The following TPR variants were observed in gnomAD, a reference collection of about 807,000 sequenced individuals.
TPR encodes nucleoprotein TPR.
TPR carries 51 observed loss-of-function variants against 316.1 expected under a neutral mutation model. The ratio of observed to expected loss-of-function variants is 0.16; its 90% confidence interval spans 0.13 to 0.20. The LOEUF (loss-of-function observed/expected upper bound fraction) is 0.20. Among genes scored for constraint, TPR ranks in the 10% least tolerant of loss-of-function variants. The probability of loss-of-function intolerance (pLI) is 1.00; values close to 1 mark genes in which losing one functional copy is unlikely to be tolerated. For synonymous variants in TPR, 981 were observed against 914.7 expected, an observed-to-expected ratio of 1.07 and a Z score of -1.31; for missense variants, 2,272 against 2,754.8, an observed-to-expected ratio of 0.82 and a Z score of 3.92.
Position 186,312,434 on chromosome 1 carries a change from T to C in TPR, c.*1537A>G. On this transcript the variant is annotated 3_prime_UTR_variant, in exon 51 of 51. Coordinates refer to ENST00000367478, the MANE Select transcript of TPR (RefSeq NM_003292.3). ...TAAGTAGATGTAATACAGTTTCTTATACAGTAAGGCTTATGAAATATGGAT... is the reference window on the plus strand; with the variant it reads ...TAAGTAGATGTAATACAGTTTCTTACACAGTAAGGCTTATGAAATATGGAT... The C allele has an allele frequency of 7.0e-7, 1 of 1,436,332 alleles. No homozygotes were observed. Among genetic ancestry groups the C allele is most frequent in the Non-Finnish European group, 9.5e-7 (1 of 1,048,242 alleles). 89.0% of individuals were successfully genotyped at this position (1,436,332 alleles called of 1,614,324 possible). A position where few individuals can be genotyped will look rare whatever the true frequency, so the allele number is the denominator to read the frequency against.
rs745946600 is a variant in TPR at position 186,323,781 on chromosome 1, G to T, written c.6202C>A (p.Pro2068Thr). The stretch of plus-strand genomic sequence containing the variant: ...CGTCTCGGTGACTGAGGTGCTCGAG[G>T]GGCCTGTCTTTCAGATGCTGATGAT... Reference protein sequence around the residue: ...QPSSASERQAPRAPQSPRRPP... With the variant: ...QPSSASERQATRAPQSPRRPP... The change falls in exon 43 of 51, where the codon CCT (proline) becomes ACT (threonine). Residue 2068 changes from proline (P) to threonine (T), a missense_variant. Coordinates refer to ENST00000367478, the MANE Select transcript of TPR (RefSeq NM_003292.3). The T allele has an allele frequency of 1.5e-5, 23 of 1,543,232 alleles. No homozygotes were observed. The highest frequency in any genetic ancestry group is 1.8e-5 in the Non-Finnish European group (21 of 1,154,924).
chr1:186,366,405 C>T (rs1035420132), intron 4 of TPR, among the ~76,000 whole-genome samples: 1 of 152,148 alleles, frequency 6.6e-6, no homozygotes, highest in Non-Finnish European at 1.5e-5. Flanking sequence ...GTATATAATA[C>T]AGATCACAGA....
At position 186,322,577 on chromosome 1, in the gene TPR, T is replaced by C. The variant is rs1657803105; in HGVS notation, c.6307A>G (p.Met2103Val). The change falls in exon 44 of 51, where the codon ATG (methionine) becomes GTG (valine). Residue 2103 changes from methionine to valine, a missense_variant. By Grantham distance (21) the Met-to-Val change is conservative. Transcript: ENST00000367478. ...ELGPPVQRIQMTRRQSVGRGL... is the reference protein window; with the variant it reads ...ELGPPVQRIQVTRRQSVGRGL... ...CGTCCTACAGACTGCCTTCGGGTCA[T>C]CTGAATTCTCTGCGTGTCAAGATAA... 2 of 1,614,074 alleles carry C rather than the reference T, an allele frequency of 1.2e-6. No homozygotes were observed. Among genetic ancestry groups the C allele is most frequent in the African/African-American group, 2.7e-5 (2 of 75,064 alleles).
chr1:186,347,422 A>T lies in TPR; in HGVS notation c.2813T>A (p.Val938Glu), dbSNP rs1658715404. The T allele has an allele frequency of 6.2e-7, 1 of 1,614,018 alleles. No individual in the cohort carries two copies. The highest frequency in any genetic ancestry group is 8.5e-7 in the Non-Finnish European group (1 of 1,179,972). ...CTCTTCTGTCTGTCTTAGCTGACTC[A>T]CAAGATCATCCACATCTTCTTTGTT... ...PSNKEDVDDL[V>E]SQLRQTEEQV... Residue 938 changes from valine to glutamate, a missense_variant, in exon 22 of 51, where the codon GTG becomes GAG. Val to Glu is a moderately radical substitution (Grantham distance 121). This residue lies in a region of TPR where 757 missense variants were observed against 859.8 expected (regional missense o/e 0.88). Transcript: ENST00000367478.
At chr1:186,315,149 C>A (rs78468398) in intron 49 of TPR, among the ~76,000 whole-genome samples, 27,836 of 149,630 alleles carry the variant, frequency 0.19, 2,928 homozygotes, top group African/African-American at 0.28. Context: ...CCAGGGAGAC[C>A]GGTGAGATCC....
chr1:186,319,430 T>C (rs1010756049), intron 46 of TPR, among the ~76,000 whole-genome samples: 1 of 151,340 alleles, frequency 6.6e-6, no homozygotes, highest in Non-Finnish European at 1.5e-5. Flanking sequence ...AATTACAAAG[T>C]AATTAACAAA....
intron 4 of TPR, among the ~76,000 whole-genome samples, chr1:186,365,221 G>C (rs373087695): frequency 1.3e-5 from 2 of 151,058 alleles, no homozygotes; most frequent in African/African-American, 4.9e-5. Context: ...TCAGCCTCCT[G>C]AGTAGCTGGG....
Position 186,312,813 on chromosome 1 carries a change from C to G in TPR, c.*1158G>C. On this transcript the variant is annotated 3_prime_UTR_variant, in exon 51 of 51. Coordinates refer to ENST00000367478, the MANE Select transcript of TPR (RefSeq NM_003292.3). ...TAAAGTGAGTATACTGTGGAGAGGA[C>G]TTCCAAATGTGGTTACCTCAGCTAT... 1 of 1,612,032 alleles carries G rather than the reference C, an allele frequency of 6.2e-7. No individual in the cohort carries two copies. Among genetic ancestry groups the G allele is most frequent in the Non-Finnish European group, 8.5e-7 (1 of 1,178,118 alleles).
At chr1:186,320,215 T>A in intron 46 of TPR, 97 bp downstream of exon 46, 1 of 1,020,998 alleles carries the variant, frequency 9.8e-7, no homozygotes, top group East Asian at 2.9e-5. Flanking sequence ...ATTTTAAAAA[T>A]ATTCATATTT....
chr1:186,325,782 C>A lies in TPR; in HGVS notation c.6094G>T (p.Ala2032Ser). 6.2e-7 allele frequency: 1 copy of A among 1,613,004 alleles called. No homozygotes were observed. The highest frequency in any genetic ancestry group is 8.5e-7 in the Non-Finnish European group (1 of 1,179,366). Residue 2032 changes from alanine to serine, a missense_variant, in exon 42 of 51, where the codon GCT (alanine) becomes TCT (serine). Around this residue, in one of 10 missense-constraint regions of TPR, gnomAD observed 435 missense variants for 461.1 expected, o/e 0.94. Transcript: ENST00000367478. Reference protein sequence around the residue: ...MGGGEGNHRAADSQNSGEGNT... With the variant: ...MGGGEGNHRASDSQNSGEGNT... ...ATCTCACCACTGTTTTGAGAATCAG[C>A]AGCTCTGTGATTACCTTCACCTCCA...
At position 186,335,146 on chromosome 1, in the gene TPR, C is replaced by G. The variant is rs781088340; in HGVS notation, c.4912-17G>C. ...TTCAGGGACCTATAAAGAGAAAGCT[C>G]TTGATTGTTGTTCCTAGCCCACAAG... On this transcript the variant is annotated splice_polypyrimidine_tract_variant and intron_variant, in intron 34 of 50. Coordinates refer to ENST00000367478, the MANE Select transcript of TPR (RefSeq NM_003292.3). 14 of 1,602,774 alleles carry G rather than the reference C, an allele frequency of 8.7e-6. No homozygotes were observed. The African/African-American group carries it at 1.9e-4, about 22-fold the overall frequency.
In TPR at chr1:186,317,558, T is replaced by C. The variant is rs1427689826; in HGVS notation, c.6864A>G (p.Glu2288=). 8.7e-6 allele frequency: 14 copies of C among 1,613,996 alleles called. No homozygotes were observed. The African/African-American group carries it at 1.3e-4, about 15-fold the overall frequency. The change falls in exon 49 of 51, where the codon GAA becomes GAG. Residue 2288 remains glutamate, a synonymous_variant. Coordinates refer to ENST00000367478, the MANE Select transcript of TPR (RefSeq NM_003292.3). The stretch of plus-strand genomic sequence containing the variant: ...CATCAGATGCTTGAACCGGCTCTTC[T>C]TCCTGCTGGCTATCAATTTCTAGGC... The part of the protein sequence containing the change: ...EAGLEIDSQQ[E]EEPVQASDES...
In TPR at chr1:186,367,892, A is replaced by C; in HGVS notation, c.421T>G (p.Leu141Val). 6.2e-7 allele frequency: 1 copy of C among 1,604,850 alleles called. No homozygotes were observed. Among genetic ancestry groups the C allele is most frequent in the Non-Finnish European group, 8.5e-7 (1 of 1,173,806 alleles). Residue 141 changes from leucine (L) to valine (V), a missense_variant, in exon 4 of 51, where the codon TTA becomes GTA. Physicochemically the swap from Leu to Val is conservative, Grantham distance 32. Around this residue, in one of 10 missense-constraint regions of TPR, gnomAD observed 549 missense variants for 598.6 expected, o/e 0.92. Transcript: ENST00000367478. Reference protein sequence around the residue: ...NERLSQELEYLTEDVKRLNEK... With the variant: ...NERLSQELEYVTEDVKRLNEK... ...TACAAGCACTTCTTCATACCTGTTA[A>C]GTATTCAAGTTCTTGAGATAGTCTC...
intron 19 of TPR, 103 bp from the exon 20 acceptor site, chr1:186,351,573 C>A: frequency 2.4e-6 from 3 of 1,239,124 alleles, no homozygotes; most frequent in Non-Finnish European, 3.2e-6. Context: ...CCCATTTCTA[C>A]ATGAAGCAGC....
chr1:186,337,005 A>T lies in TPR; in HGVS notation c.4506+8T>A. ...AGAATTAGGAACAGACTGTTCTCAC[A>T]CTCATACCTTCTGCAGATTCTCTAC... On this transcript the variant is annotated splice_region_variant and intron_variant, in intron 32 of 50. Transcript: ENST00000367478. 1 of 1,613,606 alleles carries T rather than the reference A, an allele frequency of 6.2e-7. No individual in the cohort carries two copies. The highest frequency in any genetic ancestry group is 1.1e-5 in the South Asian group (1 of 91,058).
intron 12 of TPR, 66 bp from the exon 13 acceptor site, chr1:186,358,716 C>G: frequency 7.8e-7 from 1 of 1,288,810 alleles, no homozygotes; most frequent in Admixed American, 2.0e-5. Flanking sequence ...GTAATAAAGA[C>G]ATACAATACT....
At chr1:186,338,347 T>C in intron 30 of TPR, 104 bp from the exon 31 acceptor site, 4 of 981,664 alleles carry the variant, frequency 4.1e-6, no homozygotes, top group Non-Finnish European at 4.4e-6. Flanking sequence ...AACTTTTTTT[T>C]TTGAAAATCC....
chr1:186,362,049 C>G (rs578249279), intron 7 of TPR, among the ~76,000 whole-genome samples, 180 bp from the exon 8 acceptor site: 4 of 151,910 alleles, frequency 2.6e-5, no homozygotes, highest in African/African-American at 9.6e-5. Flanking sequence ...ATTTTAAATT[C>G]AAAGTAAAAT....
chr1:186,367,259 G>A (rs1008369776), intron 4 of TPR, among the ~76,000 whole-genome samples: 1 of 151,762 alleles, frequency 6.6e-6, no homozygotes, highest in African/African-American at 2.4e-5. Flanking sequence ...TAGAGACGGG[G>A]TTTCACCATC....
Sources: allele counts gnomAD v4.1 joint callset (sites outside exome capture counted in the v4.1 genomes callset), GRCh38; gene constraint gnomAD v4.1.1; regional missense constraint gnomAD v4.1.1; transcripts MANE v1.5; gene names NCBI Gene and HGNC (gene_info 2026-07-23, HGNC 2026-07-21).